Variants in GPC5 observed in about 807,000 individuals in gnomAD.
GPC5 encodes the protein glypican 5.
In GPC5, 47 loss-of-function variants were observed where a neutral mutation model predicts 53.9. The ratio of observed to expected loss-of-function variants is 0.87; its 90% confidence interval spans 0.69 to 1.11. The LOEUF is 1.11. GPC5 is among the 50% of genes most tolerant of loss of function. GPC5 has a pLI of 0.00. For missense variants in GPC5, 748 were observed against 713.1 expected (o/e 1.05, Z -0.56); for synonymous variants, 286 against 263.3 (o/e 1.09, Z -0.84).
At chr13:92,072,686 G>T (rs2041223024) in intron 6 of GPC5, among the ~76,000 whole-genome samples, 1 of 150,632 alleles carries the variant, frequency 6.6e-6, no homozygotes, top group Non-Finnish European at 1.5e-5. Flanking sequence ...TGGTTCTGGT[G>T]CCTCAGCCTC....
At chr13:92,372,535 G>T (rs971857220) in intron 7 of GPC5, among the ~76,000 whole-genome samples, 2 of 152,058 alleles carry the variant, frequency 1.3e-5, no homozygotes, top group African/African-American at 4.8e-5. Flanking sequence ...TGTGACGTTT[G>T]AAAATTATAA....
intron 5 of GPC5, among the ~76,000 whole-genome samples, chr13:91,806,595 T>A (rs979819910): frequency 6.6e-6 from 1 of 152,204 alleles, no homozygotes; most frequent in African/African-American, 2.4e-5. Context: ...AAAATAACAC[T>A]GTACTGTGTT....
chr13:91,424,249 G>A (rs75060348), intron 1 of GPC5, among the ~76,000 whole-genome samples: 5,443 of 144,950 alleles, frequency 0.038, 144 homozygotes, highest in Middle Eastern at 0.07. Context: ...ATGGTGGCAA[G>A]TACATCAGTT....
intron 5 of GPC5, among the ~76,000 whole-genome samples, chr13:91,764,147 T>C (rs1454378784): frequency 6.6e-6 from 1 of 152,220 alleles, no homozygotes; most frequent in Non-Finnish European, 1.5e-5. Flanking sequence ...ATACAGGAGA[T>C]GTTTGCAAGG....
intron 4 of GPC5, among the ~76,000 whole-genome samples, chr13:91,740,363 C>T (rs1192395517): frequency 6.6e-6 from 1 of 152,064 alleles, no homozygotes; most frequent in Non-Finnish European, 1.5e-5. Context: ...CACAGAGGTC[C>T]CTTCTGTTAA....
chr13:91,448,697 T>C lies in GPC5; in HGVS notation c.164-64T>C. 5 of 1,533,162 alleles carry C rather than the reference T, an allele frequency of 3.3e-6. No homozygotes were observed. The South Asian group carries it at 6.1e-5, about 19-fold the overall frequency. 95.0% of individuals were successfully genotyped at this position (1,533,162 alleles called of 1,614,324 possible). On this transcript the variant is annotated intron_variant, in intron 1 of 7. Coordinates refer to ENST00000377067, the MANE Select transcript of GPC5 (RefSeq NM_004466.6). Reference sequence around the variant, plus strand: ...GTGCAGGACTGGTCATAACGCCTGATATATAATATGTAATACTTGTTAAAT... The same window carrying C: ...GTGCAGGACTGGTCATAACGCCTGACATATAATATGTAATACTTGTTAAAT...
chr13:92,540,677 C>G (rs1241141278), intron 7 of GPC5, among the ~76,000 whole-genome samples: 1 of 151,750 alleles, frequency 6.6e-6, no homozygotes, highest in Non-Finnish European at 1.5e-5. Flanking sequence ...TGGAAGAAAA[C>G]TTGAGTAGAA....
chr13:91,500,818 T>A (rs1207164831), intron 2 of GPC5, among the ~76,000 whole-genome samples: 3 of 152,242 alleles, frequency 2.0e-5, no homozygotes, highest in Non-Finnish European at 4.4e-5. Context: ...AATTCCCACA[T>A]GTTGTGGGAG....
intron 2 of GPC5, among the ~76,000 whole-genome samples, chr13:91,685,938 A>T (rs74365006): frequency 0.072 from 10,878 of 151,730 alleles, 499 homozygotes; most frequent in Non-Finnish European, 0.1. Flanking sequence ...ACTAAAAAAA[A>T]AAAACAAAGA....
chr13:92,677,110 GA>G (rs1770600018), intron 7 of GPC5, among the ~76,000 whole-genome samples: 1 of 152,026 alleles, frequency 6.6e-6, no homozygotes, highest in Non-Finnish European at 1.5e-5. Flanking sequence ...ATTGAAGTAC[GA>G]AAACCTTTAA....
intron 2 of GPC5, among the ~76,000 whole-genome samples, chr13:91,668,452 C>T (rs1283238559): frequency 1.3e-5 from 2 of 152,134 alleles, no homozygotes; most frequent in South Asian, 2.1e-4. Flanking sequence ...AATTCTTAAC[C>T]CAAATTCTCA....
chr13:92,646,930 A>ATGTGTG lies in GPC5; in HGVS notation c.1562-219320_1562-219315dup, dbSNP rs753380099. On this transcript the variant is annotated intron_variant, in intron 7 of 7. Transcript: ENST00000377067. ...CATATATATGTAAATATATATAAAC[A>ATGTGTG]TGTGTGTGTGTGTGTGTGTGTGTGT... Among the ~76,000 whole-genome samples the ATGTGTG allele has an allele frequency of 3.8e-3, 559 of 146,566 alleles. 2 individuals are homozygous for ATGTGTG. Among genetic ancestry groups the ATGTGTG allele is most frequent in the African/African-American group, 9.2e-3 (363 of 39,356 alleles).
chr13:92,376,566 C>T (rs1483377007), intron 7 of GPC5, among the ~76,000 whole-genome samples: 2 of 152,112 alleles, frequency 1.3e-5, no homozygotes, highest in African/African-American at 2.4e-5. Context: ...TAAGTTCCTC[C>T]ATCTGAGCTA....
At chr13:91,591,576 G>A (rs2032800135) in intron 2 of GPC5, among the ~76,000 whole-genome samples, 1 of 152,068 alleles carries the variant, frequency 6.6e-6, no homozygotes, top group Admixed American at 6.5e-5. Context: ...ATACAAATAT[G>A]TCATAGATTT....
rs143032838 is a variant in GPC5, at chr13:91,479,244, T to G, written c.325+30322T>G. Among the ~76,000 whole-genome samples, 1,103 of 152,142 alleles carry G rather than the reference T, an allele frequency of 7.2e-3. 16 individuals are homozygous for G. The highest frequency in any genetic ancestry group is 0.024 in the Middle Eastern group (7 of 292). On this transcript the variant is annotated intron_variant, in intron 2 of 7. Coordinates refer to ENST00000377067, the MANE Select transcript of GPC5 (RefSeq NM_004466.6). Reference sequence around the variant, plus strand: ...TAATATATTTCATTTATAATGAAATTTTTAGGATTTTAGCACTATTAGTAA... The same window carrying G: ...TAATATATTTCATTTATAATGAAATGTTTAGGATTTTAGCACTATTAGTAA...
intron 6 of GPC5, among the ~76,000 whole-genome samples, chr13:92,041,580 C>T (rs906052273): frequency 3.3e-5 from 5 of 152,186 alleles, no homozygotes; most frequent in African/African-American, 1.2e-4. Flanking sequence ...TAGAAAACTG[C>T]CTGCCCCCCT....
At chr13:92,271,420 T>C (rs1475875969) in intron 7 of GPC5, among the ~76,000 whole-genome samples, 1 of 152,214 alleles carries the variant, frequency 6.6e-6, no homozygotes, top group Non-Finnish European at 1.5e-5. Flanking sequence ...GTTAATGCCC[T>C]TGGGACATGT....
rs113882197 is a variant in GPC5, at chr13:91,546,092, A to G, written c.325+97170A>G. ...ACAATGAAATAATAAGTTTTCAATG[A>G]CCAATGTGAGCATTGTTCTTGTACA... On this transcript the variant is annotated intron_variant, in intron 2 of 7. Transcript: ENST00000377067. Among the ~76,000 whole-genome samples the G allele has an allele frequency of 7.4e-3, 1,126 of 152,228 alleles. 12 individuals are homozygous for G. Among genetic ancestry groups the G allele is most frequent in the African/African-American group, 0.024 (989 of 41,560 alleles).
chr13:91,857,633 G>T (rs2038981056), intron 5 of GPC5, among the ~76,000 whole-genome samples: 2 of 146,392 alleles, frequency 1.4e-5, no homozygotes, highest in Non-Finnish European at 1.5e-5. Context: ...TTTTAATACT[G>T]GCTCAAACCT....
Sources: allele counts gnomAD v4.1 joint callset (sites outside exome capture counted in the v4.1 genomes callset), GRCh38; gene constraint gnomAD v4.1.1; transcripts MANE v1.5; gene names NCBI Gene and HGNC (gene_info 2026-07-23, HGNC 2026-07-21).